The following PXDNL variants were observed in gnomAD, a reference collection of about 807,000 sequenced individuals.
PXDNL encodes peroxidasin like.
In PXDNL, 145 loss-of-function variants were observed where a neutral mutation model predicts 150.8. The ratio of observed to expected loss-of-function variants is 0.96; its 90% CI spans 0.84 to 1.10. The LOEUF (loss-of-function observed/expected upper bound fraction) is 1.10, where lower values mean the gene tolerates loss of function less well. Ranked by LOEUF, PXDNL falls within the 50% of genes least tolerant of loss-of-function variation. The pLI is 0.00. For synonymous variants in PXDNL, 757 were observed against 725.7 expected (o/e 1.04, Z -0.69); for missense variants, 2,087 against 1,873.9 (o/e 1.11, Z -2.10).
At chr8:51,423,320 C>T (rs1482558681) in intron 14 of PXDNL, among the ~76,000 whole-genome samples, 2 of 152,096 alleles carry the variant, frequency 1.3e-5, no homozygotes, top group Non-Finnish European at 2.9e-5. Context: ...TGTAAGAAAA[C>T]ATGATATATA....
chr8:51,661,689 G>A lies in PXDNL; in HGVS notation c.165-6929C>T, dbSNP rs548747226. 1.3e-4 allele frequency among the ~76,000 whole-genome samples: 20 copies of A among 152,198 alleles called. 1 individual carries two copies. The South Asian group carries it at 3.9e-3, about 30-fold the overall frequency. ...AAAATCTCCCTCTCCTTATACACAC[G>A]CACATCGCCTGCTCCCTGGTGTGCA... is the stretch of plus-strand genomic sequence containing the variant. On this transcript the variant is annotated intron_variant, in intron 1 of 22. Coordinates refer to ENST00000356297, the MANE Select transcript of PXDNL (RefSeq NM_144651.5).
intron 13 of PXDNL, 46 bp downstream of exon 13, chr8:51,426,600 T>A (rs1460586378): frequency 9.2e-7 from 1 of 1,088,138 alleles, no homozygotes; most frequent in South Asian, 1.4e-5. Context: ...GGTCGATACA[T>A]CTGTCAGTGT....
intron 3 of PXDNL, among the ~76,000 whole-genome samples, chr8:51,560,053 T>C (rs1812688953): frequency 6.6e-6 from 1 of 151,992 alleles, no homozygotes. Flanking sequence ...TTCTCAACTA[T>C]TTCATTTACA....
intron 2 of PXDNL, among the ~76,000 whole-genome samples, chr8:51,638,665 T>A (rs184694430): frequency 4.6e-5 from 7 of 152,224 alleles, no homozygotes; most frequent in Admixed American, 1.3e-4. Context: ...CCTAAATATA[T>A]ATGCACCCAA....
chr8:51,488,645 A>G (rs1325220410), intron 5 of PXDNL, among the ~76,000 whole-genome samples: 1 of 152,242 alleles, frequency 6.6e-6, no homozygotes, highest in Non-Finnish European at 1.5e-5. Context: ...TTTACATCCA[A>G]TTGTTCAAAC....
chr8:51,477,720 C>T (rs1449674046), intron 6 of PXDNL, among the ~76,000 whole-genome samples: 1 of 152,144 alleles, frequency 6.6e-6, no homozygotes, highest in Non-Finnish European at 1.5e-5. Context: ...ATACACATCC[C>T]CTGGGAGCAT....
At chr8:51,439,035 A>G (rs1007732290) in intron 12 of PXDNL, among the ~76,000 whole-genome samples, 2 of 152,236 alleles carry the variant, frequency 1.3e-5, no homozygotes, top group Non-Finnish European at 2.9e-5. Context: ...CATGACCAAG[A>G]ATCCAAAAGC....
chr8:51,447,276 G>C (rs1174857242), intron 11 of PXDNL, 114 bp from the exon 12 acceptor site: 18 of 1,073,752 alleles, frequency 1.7e-5, no homozygotes, highest in Non-Finnish European at 2.3e-5. Flanking sequence ...CTCGGTGCTA[G>C]GGTGTACTGT....
At chr8:51,451,050 G>T (rs1809797599) in intron 10 of PXDNL, among the ~76,000 whole-genome samples, 1 of 151,896 alleles carries the variant, frequency 6.6e-6, no homozygotes, top group African/African-American at 2.4e-5. Context: ...AAATAATGTA[G>T]TCCTGGTTCT....
In PXDNL at chr8:51,371,903, C is replaced by A; in HGVS notation, c.3871G>T (p.Asp1291Tyr). ...YLNCSEIPKV[D>Y]LRVWQDCCAD... ...CAGCAGTCTTGCCACACTCGCAGGT[C>A]CACCTTCGGGATCTCGCTGCAGTTC... Residue 1291 changes from aspartate (D) to tyrosine (Y), a missense_variant, in exon 19 of 23, where the codon GAC becomes TAC. Transcript: ENST00000356297. The A allele has an allele frequency of 1.2e-6, 2 of 1,613,970 alleles. No individual in the cohort carries two copies. Among genetic ancestry groups the A allele is most frequent in the African/African-American group, 1.3e-5 (1 of 75,062 alleles).
intron 1 of PXDNL, among the ~76,000 whole-genome samples, chr8:51,776,309 G>A (rs1251297409): frequency 4.6e-5 from 7 of 151,854 alleles, no homozygotes; most frequent in African/African-American, 1.5e-4. Context: ...CACCCTATTC[G>A]TATACTCCCT....
At chr8:51,734,203 AT>A (rs1000160777) in intron 1 of PXDNL, among the ~76,000 whole-genome samples, 1 of 152,174 alleles carries the variant, frequency 6.6e-6, no homozygotes, top group Non-Finnish European at 1.5e-5. Flanking sequence ...AAGCTCCAAA[AT>A]TTTTTATTTT....
intron 7 of PXDNL, among the ~76,000 whole-genome samples, chr8:51,473,315 A>G (rs899919985): frequency 3.3e-5 from 5 of 152,028 alleles, no homozygotes; most frequent in African/African-American, 1.2e-4. Context: ...ACACACAAAT[A>G]CATATTAACA....
chr8:51,546,520 G>C (rs1812363793), intron 4 of PXDNL, among the ~76,000 whole-genome samples: 1 of 152,206 alleles, frequency 6.6e-6, no homozygotes, highest in Non-Finnish European at 1.5e-5. Context: ...CCTTGGGGAA[G>C]GGAAGGCAGC....
intron 12 of PXDNL, among the ~76,000 whole-genome samples, chr8:51,429,044 G>A (rs1358864905): frequency 1.2e-4 from 4 of 33,586 alleles, no homozygotes; most frequent in African/African-American, 2.6e-4. Flanking sequence ...TTGTACTGTA[G>A]AGGATATACA....
chr8:51,659,576 T>C (rs1815225013), intron 1 of PXDNL, among the ~76,000 whole-genome samples: 1 of 152,128 alleles, frequency 6.6e-6, no homozygotes, highest in South Asian at 2.1e-4. Flanking sequence ...CGAACTATCA[T>C]AGCTCCAAGT....
intron 3 of PXDNL, among the ~76,000 whole-genome samples, chr8:51,585,482 T>C (rs1168441788): frequency 6.6e-6 from 1 of 151,810 alleles, no homozygotes; most frequent in African/African-American, 2.4e-5. Context: ...ACCAAGGAGA[T>C]TAGAGGGTGA....
chr8:51,629,218 A>G (rs1242030356), intron 2 of PXDNL, among the ~76,000 whole-genome samples: 4 of 152,212 alleles, frequency 2.6e-5, no homozygotes, highest in African/African-American at 9.6e-5. Flanking sequence ...AAGCAGACAT[A>G]GTGGAGATTA....
In PXDNL at chr8:51,321,957, G is replaced by A. The variant is rs1019656564; in HGVS notation, c.4147-1060C>T. On this transcript the variant is annotated intron_variant, in intron 21 of 22. Transcript: ENST00000356297. Reference sequence around the variant, plus strand: ...ATTTGGGCATAGGGCCTCGAAGGATGTAATTAAGGTTAAATTAGGTCATGG... The same window carrying A: ...ATTTGGGCATAGGGCCTCGAAGGATATAATTAAGGTTAAATTAGGTCATGG... Among the ~76,000 whole-genome samples the A allele has an allele frequency of 1.1e-3, 76 of 70,386 alleles. 1 individual carries two copies. The highest frequency in any genetic ancestry group is 7.4e-3 in the Middle Eastern group (1 of 136). The allele number at this position is 70,386 out of a possible 152,430, so 46.2% of individuals were successfully genotyped here. A position where few individuals can be genotyped will look rare whatever the true frequency, so the allele number is the denominator to read the frequency against.
Sources: gnomAD v4.1 joint callset for allele counts (sites outside exome capture counted in the v4.1 genomes callset) on GRCh38, gnomAD v4.1.1 for gene constraint, MANE v1.5 for transcripts, NCBI Gene and HGNC (gene_info 2026-07-23, HGNC 2026-07-21) for gene names.